The following NEMP2 variants were observed in gnomAD, a reference collection of about 807,000 sequenced individuals.
The protein encoded by NEMP2 is UPF0571 transmembrane protein.
A neutral mutation model predicts 54.2 loss-of-function variants in NEMP2; 53 were observed. That is an observed-to-expected ratio of 0.98 (90% CI 0.78 to 1.23). NEMP2 has a LOEUF of 1.23. NEMP2 is among the 50% of genes most tolerant of loss of function. NEMP2 has a pLI of 0.00. For missense variants in NEMP2, 455 were observed against 511.3 expected (o/e 0.89, Z 1.06); for synonymous variants, 197 against 190.3 (o/e 1.04, Z -0.29).
intron 2 of NEMP2, among the ~76,000 whole-genome samples, chr2:190,524,214 T>G (rs1488356566): frequency 6.6e-6 from 1 of 151,574 alleles, no homozygotes; most frequent in African/African-American, 2.4e-5. Flanking sequence ...TGAGTCCCAG[T>G]CTCAAAAAAA....
the NEMP2 span, among the ~76,000 whole-genome samples, chr2:190,565,483 G>A: frequency 6.6e-6 from 1 of 152,192 alleles, no homozygotes; most frequent in East Asian, 1.9e-4. Flanking sequence ...GTGGAGTTGA[G>A]AGTTCAGAAC....
chr2:190,569,928 C>G, the NEMP2 span, among the ~76,000 whole-genome samples: 1 of 152,170 alleles, frequency 6.6e-6, no homozygotes, highest in Non-Finnish European at 1.5e-5. Flanking sequence ...TTTTATTTAA[C>G]AGTAATTAGA....
At position 190,533,230 on chromosome 2, in the gene NEMP2, G is replaced by A. The variant is rs963464643; in HGVS notation, c.97+1329C>T. ...AAGGAATGAGTGGTCTAGAACCCAA[G>A]GTGCTGGGTGCTGGTCTAAGGCTAC... On this transcript the variant is annotated intron_variant, in intron 1 of 8. Coordinates refer to ENST00000409150, the MANE Select transcript of NEMP2 (RefSeq NM_001142645.2). This position sits in a 1 kb window ranked among gnomAD's most constrained non-coding sequence, Gnocchi z 4.3. 6.6e-6 allele frequency among the ~76,000 whole-genome samples: 1 copy of A among 152,160 alleles called. No individual in the cohort carries two copies. Among genetic ancestry groups the A allele is most frequent in the African/African-American group, 2.4e-5 (1 of 41,426 alleles).
chr2:190,500,039 TCTC>T (rs1559148218), downstream of NEMP2: 5 of 1,614,140 alleles, frequency 3.1e-6, no homozygotes, highest in Non-Finnish European at 4.2e-6. This position sits in a 1 kb window ranked among gnomAD's most constrained non-coding sequence, Gnocchi z 5.3. Context: ...TAGGGAAAAT[TCTC>T]CTGCTGGTAG....
chr2:190,572,841 A>ATATATG, the NEMP2 span, among the ~76,000 whole-genome samples: 13 of 76,222 alleles, frequency 1.7e-4, no homozygotes, highest in African/African-American at 6.5e-4. Context: ...GAGTATATAT[A>ATATATG]TATATATATA....
the NEMP2 span, among the ~76,000 whole-genome samples, chr2:190,432,394 C>A: frequency 7.4e-3 from 1,133 of 152,204 alleles, 14 homozygotes; most frequent in South Asian, 0.014. Context: ...TGCTCTATGG[C>A]CAGAAAACCT....
chr2:190,564,416 C>A, the NEMP2 span, among the ~76,000 whole-genome samples: 1 of 152,094 alleles, frequency 6.6e-6, no homozygotes, highest in Non-Finnish European at 1.5e-5. This position sits in a 1 kb window ranked among gnomAD's most constrained non-coding sequence, Gnocchi z 4.2. Context: ...AGCTTTAGGG[C>A]CAATTTTATT....
chr2:190,545,919 T>G, the NEMP2 span, among the ~76,000 whole-genome samples: 1 of 152,156 alleles, frequency 6.6e-6, no homozygotes, highest in Admixed American at 6.5e-5. Flanking sequence ...TCACTCCCTA[T>G]TTTTCTAGCA....
At chr2:190,497,588 G>A in the NEMP2 span, 4 of 1,614,072 alleles carry the variant, frequency 2.5e-6, no homozygotes, top group Non-Finnish European at 2.5e-6. The surrounding 1 kb of genome is among the most constrained non-coding windows in gnomAD (Gnocchi z 5.2). Flanking sequence ...GGAAGAACAG[G>A]AAGATGTGAA....
the NEMP2 span, among the ~76,000 whole-genome samples, chr2:190,481,676 C>G: frequency 6.6e-6 from 1 of 152,240 alleles, no homozygotes; most frequent in Non-Finnish European, 1.5e-5. Context: ...AGCAGGCTAT[C>G]TGGCACATAA....
chr2:190,544,919 C>T, the NEMP2 span, among the ~76,000 whole-genome samples: 2 of 125,850 alleles, frequency 1.6e-5, no homozygotes, highest in African/African-American at 6.2e-5. Flanking sequence ...GAGACACTGT[C>T]TCTACCCCCG....
chr2:190,482,873 T>TA, the NEMP2 span, among the ~76,000 whole-genome samples: 3 of 21,894 alleles, frequency 1.4e-4, no homozygotes, highest in African/African-American at 2.4e-4. Context: ...ATCATCTTTT[T>TA]TTTTTTTTTT....
the NEMP2 span, among the ~76,000 whole-genome samples, chr2:190,451,692 C>A: frequency 6.6e-6 from 1 of 152,154 alleles, no homozygotes; most frequent in Non-Finnish European, 1.5e-5. This position sits in a 1 kb window ranked among gnomAD's most constrained non-coding sequence, Gnocchi z 5.0. Flanking sequence ...TGAATGGAAG[C>A]CCCCAGTGAA....
At chr2:190,639,177 A>G in the NEMP2 span, among the ~76,000 whole-genome samples, 2 of 151,852 alleles carry the variant, frequency 1.3e-5, no homozygotes, top group South Asian at 2.1e-4. Context: ...AACACATTCA[A>G]TTTTTTTTGT....
At chr2:190,584,898 TGAAAGAAAGAAAGAAA>T in the NEMP2 span, among the ~76,000 whole-genome samples, 20,851 of 120,014 alleles carry the variant, frequency 0.17, 1,919 homozygotes, top group South Asian at 0.23. This position sits in a 1 kb window ranked among gnomAD's most constrained non-coding sequence, Gnocchi z 4.2. Flanking sequence ...AAAACAACAA[TGAAAGAAAGAAAGAAA>T]GAAAGAAAGA....
Position 190,509,354 on chromosome 2 carries a change from G to A in NEMP2, c.1131-42C>T. The A allele has an allele frequency of 6.5e-7, 1 of 1,542,400 alleles. No individual in the cohort carries two copies. Among genetic ancestry groups the A allele is most frequent in the South Asian group, 1.2e-5 (1 of 83,708 alleles). ...TTTAAATAAAGTTAATGTTATCTCA[G>A]GAAGGTTTATTTGAAAGATAACATG... On this transcript the variant is annotated intron_variant, in intron 8 of 8. Coordinates refer to ENST00000409150, the MANE Select transcript of NEMP2 (RefSeq NM_001142645.2). The surrounding 1 kb of genome is among the most constrained non-coding windows in gnomAD (Gnocchi z 6.1).
At chr2:190,638,348 T>C in the NEMP2 span, among the ~76,000 whole-genome samples, 24 of 152,144 alleles carry the variant, frequency 1.6e-4, no homozygotes, top group African/African-American at 5.5e-4. This position sits in a 1 kb window ranked among gnomAD's most constrained non-coding sequence, Gnocchi z 5.7. Context: ...GACCCTAGCA[T>C]CAAAACTCCT....
the NEMP2 span, among the ~76,000 whole-genome samples, chr2:190,471,699 C>T: frequency 6.6e-6 from 1 of 152,188 alleles, no homozygotes; most frequent in Non-Finnish European, 1.5e-5. The surrounding 1 kb of genome is among the most constrained non-coding windows in gnomAD (Gnocchi z 4.7). Flanking sequence ...GCAGCAGAAA[C>T]CTCTGCAGAC....
chr2:190,640,663 G>A, the NEMP2 span, among the ~76,000 whole-genome samples: 7 of 152,052 alleles, frequency 4.6e-5, no homozygotes, highest in African/African-American at 1.5e-4. Flanking sequence ...TAGTTTAAAA[G>A]TCTCTCATTG....
Sources: allele counts gnomAD v4.1 joint callset (sites outside exome capture counted in the v4.1 genomes callset), GRCh38; gene constraint gnomAD v4.1.1; non-coding constraint Gnocchi (gnomAD v3.1); transcripts MANE v1.5; gene names NCBI Gene and HGNC (gene_info 2026-07-23, HGNC 2026-07-21).